BSG: variants seen among roughly 807,000 people sequenced by gnomAD.
The protein encoded by BSG is basigin.
BSG carries 37 observed loss-of-function variants against 43.1 expected under a neutral mutation model. That is an observed-to-expected ratio of 0.86 (90% confidence interval 0.66 to 1.13). BSG has a LOEUF of 1.13. Among genes scored for constraint, BSG ranks in the 50% most tolerant of loss-of-function variants. The probability of loss-of-function intolerance (pLI) is 0.00; values close to 1 mark genes in which losing one functional copy is unlikely to be tolerated. For synonymous variants in BSG, 309 were observed against 238.7 expected, an observed-to-expected ratio of 1.29 and a Z score of -2.72; for missense variants, 599 against 554.2, an observed-to-expected ratio of 1.08 and a Z score of -0.81.
rs139776734 is a variant in BSG at position 581,568 on chromosome 19, G to A, written c.1046G>A (p.Arg349Gln). The A allele has an allele frequency of 9.0e-5, 143 of 1,596,614 alleles. No individual in the cohort carries two copies. Among genetic ancestry groups the A allele is most frequent in the Middle Eastern group, 6.2e-4 (3 of 4,856 alleles). ...VTIIFIYEKRRKPEDVLDDDD... is the reference protein window; with the variant it reads ...VTIIFIYEKRQKPEDVLDDDD... ...ATCATCTTCATCTACGAGAAGCGCC[G>A]GAAGCCCGAGGACGTCCTGGATGGT... Residue 349 changes from arginine (R) to glutamine (Q), a missense_variant, in exon 6 of 9, where the codon CGG becomes CAG. By Grantham distance (43) the Arg-to-Gln change is conservative. Transcript: ENST00000333511.
In BSG at chr19:577,923, G is replaced by A. The variant is rs757396156; in HGVS notation, c.217G>A (p.Gly73Ser). ...CGACACCTGCTCCCAGCTCTGGGAC[G>A]GCGCCCGGCTGGACCGCGTCCACAT... is the stretch of plus-strand genomic sequence containing the variant. ...PNDTCSQLWD[G>S]ARLDRVHIHA... The change falls in exon 2 of 9, where the codon GGC (glycine) becomes AGC (serine). Residue 73 changes from glycine (G) to serine (S), a missense_variant. Transcript: ENST00000333511. 1.0e-5 allele frequency: 16 copies of A among 1,602,812 alleles called. No individual in the cohort carries two copies. The highest frequency in any genetic ancestry group is 6.7e-5 in the Admixed American group (4 of 59,452).
At chr19:579,243 T>A in intron 2 of BSG, 1 of 591,212 alleles carries the variant, frequency 1.7e-6, no homozygotes, top group Non-Finnish European at 3.2e-6. Context: ...GCCCGCCAGC[T>A]GCCAGCGAAG....
At chr19:572,468 G>A (rs1394113362), upstream of BSG, 1 of 1,166,222 alleles carries the variant, frequency 8.6e-7, no homozygotes, top group Non-Finnish European at 1.1e-6. Flanking sequence ...ATGCGAGCGT[G>A]TGCGCGCGTG....
intron 6 of BSG, among the ~76,000 whole-genome samples, chr19:581,797 A>G (rs990253960): frequency 3.3e-5 from 5 of 152,212 alleles, no homozygotes; most frequent in African/African-American, 1.2e-4. Flanking sequence ...GGACCCCGGG[A>G]GGAGGAGGCG....
chr19:578,424 C>T (rs996830660), intron 2 of BSG, among the ~76,000 whole-genome samples: 3 of 152,272 alleles, frequency 2.0e-5, no homozygotes, highest in African/African-American at 7.2e-5. Flanking sequence ...GGCGCCTGCC[C>T]GGCTCCCTCC....
At chr19:579,986 C>CCG in intron 3 of BSG, 1 of 434,376 alleles carries the variant, frequency 2.3e-6, no homozygotes. Context: ...GAGGGCACCA[C>CCG]ACTGAGGCAT....
chr19:572,783 AGCCTGGGGCCTCGGCGCGGGGCG>A (rs1981380954), intron 1 of BSG, 82 bp downstream of exon 1: 2 of 1,295,804 alleles, frequency 1.5e-6, no homozygotes, highest in East Asian at 3.2e-5. Flanking sequence ...AGCCGACGGG[AGCCTGGGGCCTCGGCGCGGGGCG>A]GCCTGGGGTG....
In BSG at chr19:579,513, C is replaced by A. The variant is rs559463709; in HGVS notation, c.429C>A (p.Phe143Leu). The change falls in exon 3 of 9, where the codon TTC becomes TTA. Residue 143 changes from phenylalanine (F) to leucine (L), a missense_variant. Physicochemically the swap from Phe to Leu is conservative, Grantham distance 22. Coordinates refer to ENST00000333511, the MANE Select transcript of BSG (RefSeq NM_001728.4). ...CGGGCCTTGCAGCCGGCACAGTCTT[C>A]ACTACCGTAGAAGACCTTGGCTCCA... ...VVLVLEPGTV[F>L]TTVEDLGSKI... 24 of 1,612,696 alleles carry A rather than the reference C, an allele frequency of 1.5e-5. No homozygotes were observed. The South Asian group carries it at 2.2e-4, about 15-fold the overall frequency.
chr19:579,746 G>A lies in BSG; in HGVS notation c.572+90G>A, dbSNP rs897790459. On this transcript the variant is annotated intron_variant, in intron 3 of 8. Coordinates refer to ENST00000333511, the MANE Select transcript of BSG (RefSeq NM_001728.4). The stretch of plus-strand genomic sequence containing the variant: ...CTGTGGTCCGTGAGAACAAAAGACC[G>A]GTCGGCAGGCTTGATCCAGGCGGAA... The A allele has an allele frequency of 5.5e-5, 83 of 1,502,632 alleles. No homozygotes were observed. The East Asian group carries it at 8.2e-4, about 15-fold the overall frequency. The allele number at this position is 1,502,632 out of a possible 1,614,324, so 93.1% of individuals were successfully genotyped here.
chr19:578,292 C>A, intron 2 of BSG, 171 bp downstream of exon 2: 1 of 639,870 alleles, frequency 1.6e-6, no homozygotes, highest in Non-Finnish European at 2.4e-6. Context: ...GGTGGGCTCG[C>A]CGCCTGACCA....
intron 1 of BSG, 96 bp downstream of exon 1, chr19:572,797 G>A: frequency 1.6e-6 from 2 of 1,268,234 alleles, no homozygotes; most frequent in South Asian, 2.5e-5. Flanking sequence ...TGGGGCCTCG[G>A]CGCGGGGCGG....
At chr19:572,536 C>CGTGCGCGCGCCCG (rs1378341530), upstream of BSG, 1 of 1,304,042 alleles carries the variant, frequency 7.7e-7, no homozygotes, top group African/African-American at 1.5e-5. Context: ...TGACGCCGTG[C>CGTGCGCGCGCCCG]GTGCGCGCGC....
intron 7 of BSG, 52 bp from the exon 8 acceptor site, chr19:582,462 G>A (rs1982409365): frequency 6.2e-7 from 1 of 1,602,232 alleles, no homozygotes; most frequent in South Asian, 1.1e-5. Context: ...GGGGTGACTT[G>A]GAGAGAGTGA....
intron 1 of BSG, among the ~76,000 whole-genome samples, chr19:573,769 G>A (rs1267582933): frequency 6.6e-6 from 1 of 152,196 alleles, no homozygotes; most frequent in Non-Finnish European, 1.5e-5. Flanking sequence ...GTTTTTAGCC[G>A]ACTCTGACCC....
chr19:582,443 G>A lies in BSG; in HGVS notation c.1095-71G>A, dbSNP rs552366872. 3.8e-6 allele frequency: 6 copies of A among 1,599,308 alleles called. No homozygotes were observed. In the Admixed American group the frequency reaches 8.5e-5, roughly 23 times the overall value. On this transcript the variant is annotated intron_variant, in intron 7 of 8. Transcript: ENST00000333511. Reference sequence around the variant, plus strand: ...CAGTATTCGGGGGTCCTGGGGGCCGGGGTGGGCAGGGGTGACTTGGAGAGA... The same window carrying A: ...CAGTATTCGGGGGTCCTGGGGGCCGAGGTGGGCAGGGGTGACTTGGAGAGA...
chr19:582,623 G>A, intron 8 of BSG, 41 bp downstream of exon 8: 2 of 1,382,982 alleles, frequency 1.4e-6, no homozygotes, highest in Admixed American at 2.2e-5. Context: ...GGTGTGGTGG[G>A]TGGGTGGGCG....
chr19:579,356 G>A (rs567492978), intron 2 of BSG, 144 bp from the exon 3 acceptor site: 4 of 1,158,146 alleles, frequency 3.5e-6, no homozygotes, highest in African/African-American at 3.0e-5. Flanking sequence ...TGGGCCTCCG[G>A]TCCTCGGGGC....
Position 580,402 on chromosome 19 carries a change from G to A in BSG, c.596G>A (p.Gly199Glu). 1.2e-6 allele frequency: 2 copies of A among 1,611,324 alleles called. No homozygotes were observed. Among genetic ancestry groups the A allele is most frequent in the Non-Finnish European group, 1.7e-6 (2 of 1,179,910 alleles). ...EFKVDSDDQWGEYSCVFLPEP... is the reference protein window; with the variant it reads ...EFKVDSDDQWEEYSCVFLPEP... Reference sequence around the variant, plus strand: ...AGGGTGGACTCCGACGACCAGTGGGGAGAGTACTCCTGCGTCTTCCTCCCC... The same window carrying A: ...AGGGTGGACTCCGACGACCAGTGGGAAGAGTACTCCTGCGTCTTCCTCCCC... Residue 199 changes from glycine (G) to glutamate (E), a missense_variant, in exon 4 of 9, where the codon GGA becomes GAA. Transcript: ENST00000333511.
At chr19:581,215 G>T in intron 5 of BSG, 100 bp from the exon 6 acceptor site, 1 of 1,260,582 alleles carries the variant, frequency 7.9e-7, no homozygotes, top group Non-Finnish European at 1.0e-6. Flanking sequence ...TCCGGACTGG[G>T]TGAGGGGCCT....
Sources: gnomAD v4.1 joint callset for allele counts (sites outside exome capture counted in the v4.1 genomes callset) on GRCh38, gnomAD v4.1.1 for gene constraint, MANE v1.5 for transcripts, NCBI Gene and HGNC (gene_info 2026-07-23, HGNC 2026-07-21) for gene names.